The following EML5 variants were observed in gnomAD, a reference collection of about 807,000 sequenced individuals.
The protein encoded by EML5 is echinoderm microtubule-associated protein-like 5.
EML5 carries 120 observed loss-of-function variants against 250.0 expected under a neutral mutation model. The observed-to-expected ratio is 0.48, with a 90% CI of 0.41 to 0.56. EML5 has a LOEUF of 0.56. Among genes scored for constraint, EML5 ranks in the 20% least tolerant of loss-of-function variants. EML5 has a pLI of 0.00. For missense variants in EML5, 2,006 were observed against 2,437.6 expected, an observed-to-expected ratio of 0.82 and a Z score of 3.73; for synonymous variants, 771 against 806.5, an observed-to-expected ratio of 0.96 and a Z score of 0.75.
chr14:88,689,968 C>T (rs2092920814), intron 17 of EML5, among the ~76,000 whole-genome samples: 1 of 152,054 alleles, frequency 6.6e-6, no homozygotes, highest in South Asian at 2.1e-4. Flanking sequence ...GAGGAGTCCA[C>T]TTTAAGTAGG....
At chr14:88,788,277 A>C (rs2094571189) in intron 1 of EML5, among the ~76,000 whole-genome samples, 1 of 152,210 alleles carries the variant, frequency 6.6e-6, no homozygotes, top group Non-Finnish European at 1.5e-5. Flanking sequence ...TCTATACCAT[A>C]AATACTGAGC....
At chr14:88,643,585 C>T (rs187713555) in intron 30 of EML5, among the ~76,000 whole-genome samples, 2 of 152,064 alleles carry the variant, frequency 1.3e-5, no homozygotes, top group Non-Finnish European at 1.5e-5. Context: ...GGGAATCTAT[C>T]CCCCATGGAC....
In EML5 at chr14:88,618,665, A is replaced by G. The variant is rs748092785; in HGVS notation, c.5523T>C (p.Asp1841=). 7.4e-6 allele frequency: 12 copies of G among 1,612,930 alleles called. No individual in the cohort carries two copies. In the South Asian group the frequency reaches 8.8e-5, roughly 12 times the overall value. Residue 1841 remains aspartate (D), a synonymous_variant, in exon 40 of 44, where the codon GAT becomes GAC. Transcript: ENST00000554922. ...SFVIQMDFSA[D]SSYLQVSSGC... ...GGTACTGTACCTGGAGATAACTGCT[A>G]TCTGCAGAGAAGTCCATTTGAATGA...
At chr14:88,640,218 A>C (rs961154508) in intron 31 of EML5, among the ~76,000 whole-genome samples, 8 of 152,206 alleles carry the variant, frequency 5.3e-5, no homozygotes, top group African/African-American at 9.7e-5. Flanking sequence ...GACATAACAG[A>C]AAGAACACTC....
rs929262397 is a variant in EML5 at position 88,657,435 on chromosome 14, A to G, written c.3945T>C (p.Ile1315=). 2 of 1,603,060 alleles carry G rather than the reference A, an allele frequency of 1.2e-6. No homozygotes were observed. The highest frequency in any genetic ancestry group is 1.7e-6 in the Non-Finnish European group (2 of 1,174,172). The change falls in exon 27 of 44, where the codon ATT becomes ATC. Residue 1315 remains isoleucine (I), a synonymous_variant. Coordinates refer to ENST00000554922, the MANE Select transcript of EML5 (RefSeq NM_183387.3). ...SYTIRALSTN[I]RPMLGIKPHL... Reference sequence around the variant, plus strand: ...GAGGCTTGATTCCTAACATTGGGCGAATATTTGTTGATAAGGCTCTGATGG... The same window carrying G: ...GAGGCTTGATTCCTAACATTGGGCGGATATTTGTTGATAAGGCTCTGATGG...
At chr14:88,745,463 A>G (rs1190296440) in intron 3 of EML5, among the ~76,000 whole-genome samples, 1 of 152,170 alleles carries the variant, frequency 6.6e-6, no homozygotes, top group Admixed American at 6.5e-5. Context: ...TATTGTTTAT[A>G]TACAATTTGG....
chr14:88,772,097 A>C (rs1416274326), intron 1 of EML5, among the ~76,000 whole-genome samples: 1 of 152,178 alleles, frequency 6.6e-6, no homozygotes, highest in Non-Finnish European at 1.5e-5. Context: ...TGCCTTAGTA[A>C]ATGATATCAC....
chr14:88,693,922 C>A lies in EML5; in HGVS notation c.2539+385G>T, dbSNP rs560361265. 1.2e-3 allele frequency among the ~76,000 whole-genome samples: 181 copies of A among 151,350 alleles called. 1 individual carries two copies. Among genetic ancestry groups the A allele is most frequent in the Non-Finnish European group, 2.2e-3 (149 of 67,838 alleles). ...AGAAGCTGGGACCACAGGTACACAC[C>A]ACCATGCCCAGCTAATTTTTTTTTT... is the stretch of plus-strand genomic sequence containing the variant. On this transcript the variant is annotated intron_variant, in intron 17 of 43. Coordinates refer to ENST00000554922, the MANE Select transcript of EML5 (RefSeq NM_183387.3).
At chr14:88,727,528 A>G (rs1331298730) in intron 7 of EML5, among the ~76,000 whole-genome samples, 3 of 151,084 alleles carry the variant, frequency 2.0e-5, no homozygotes, top group East Asian at 3.9e-4. Flanking sequence ...CAGCCTCCCA[A>G]GTAGTTGGGA....
At chr14:88,787,005 A>C (rs1485095538) in intron 1 of EML5, among the ~76,000 whole-genome samples, 1 of 152,218 alleles carries the variant, frequency 6.6e-6, no homozygotes, top group Non-Finnish European at 1.5e-5. Context: ...CTATGGTGAA[A>C]CAGAACAAAG....
Position 88,754,577 on chromosome 14 carries a change from T to C in EML5, c.292A>G (p.Ile98Val), listed in dbSNP as rs756846867. The part of the protein sequence containing the change: ...CIWDSYTVQT[I>V]SVLKDVHTHG... ...GTATGAACATCCTTTAAAACTGATATGGTCTGCACAGTGTATGAATCCCAA... is the reference window on the plus strand; with the variant it reads ...GTATGAACATCCTTTAAAACTGATACGGTCTGCACAGTGTATGAATCCCAA... The change falls in exon 2 of 44, where the codon ATA (isoleucine) becomes GTA (valine). Residue 98 changes from isoleucine to valine, a missense_variant. Physicochemically the swap from Ile to Val is conservative, Grantham distance 29. Coordinates refer to ENST00000554922, the MANE Select transcript of EML5 (RefSeq NM_183387.3). The C allele has an allele frequency of 2.4e-5, 38 of 1,612,858 alleles. No homozygotes were observed. Among genetic ancestry groups the C allele is most frequent in the African/African-American group, 1.3e-4 (10 of 75,008 alleles).
At chr14:88,747,048 C>T (rs999097079) in intron 2 of EML5, among the ~76,000 whole-genome samples, 1 of 151,970 alleles carries the variant, frequency 6.6e-6, no homozygotes, top group Admixed American at 6.6e-5. Flanking sequence ...AATGAAGTAC[C>T]GCAACTTTGA....
intron 2 of EML5, among the ~76,000 whole-genome samples, chr14:88,749,688 A>G (rs2094062751): frequency 6.6e-6 from 1 of 152,202 alleles, no homozygotes; most frequent in South Asian, 2.1e-4. Context: ...ATATACATGA[A>G]ATATCATGAA....
chr14:88,778,297 A>G (rs2094465716), intron 1 of EML5, among the ~76,000 whole-genome samples: 3 of 152,224 alleles, frequency 2.0e-5, no homozygotes, highest in Non-Finnish European at 4.4e-5. Context: ...ATCAATAACA[A>G]TAAAGATTTG....
At chr14:88,657,594 A>T in intron 26 of EML5, 92 bp from the exon 27 acceptor site, 1 of 1,277,226 alleles carries the variant, frequency 7.8e-7, no homozygotes, top group Non-Finnish European at 1.0e-6. Flanking sequence ...AACAATATGA[A>T]ATAAATTAAG....
intron 13 of EML5, among the ~76,000 whole-genome samples, chr14:88,704,337 T>C (rs2093275625): frequency 6.6e-6 from 1 of 152,138 alleles, no homozygotes; most frequent in Admixed American, 6.6e-5. Flanking sequence ...AAAAGCTTCT[T>C]GAGGCTTCAC....
chr14:88,764,434 C>T (rs1320553812), intron 1 of EML5, among the ~76,000 whole-genome samples: 2 of 152,112 alleles, frequency 1.3e-5, no homozygotes, highest in Non-Finnish European at 1.5e-5. Flanking sequence ...CTCCTTTTAA[C>T]GTCTTTAGGT....
intron 15 of EML5, 55 bp downstream of exon 15, chr14:88,696,792 C>T: frequency 1.6e-6 from 2 of 1,252,818 alleles, no homozygotes. Flanking sequence ...GATTAAAATG[C>T]TATGTGTTGC....
At chr14:88,726,489 TTC>T in intron 8 of EML5, 50 bp downstream of exon 8, 1 of 1,483,722 alleles carries the variant, frequency 6.7e-7, no homozygotes, top group Non-Finnish European at 9.1e-7. Flanking sequence ...ATTACTTATA[TTC>T]TGTATCACTG....
Sources: allele counts gnomAD v4.1 joint callset (sites outside exome capture counted in the v4.1 genomes callset), GRCh38; gene constraint gnomAD v4.1.1; transcripts MANE v1.5; gene names NCBI Gene and HGNC (gene_info 2026-07-23, HGNC 2026-07-21).